Variants in FSTL4 observed in about 807,000 individuals in gnomAD.
The protein encoded by FSTL4 is follistatin-related protein 4.
Under a neutral mutation model 78.2 loss-of-function variants are expected in FSTL4, and 28 were observed. The ratio of observed to expected loss-of-function variants is 0.36; its 90% confidence interval spans 0.27 to 0.49. FSTL4 has a LOEUF of 0.49. Ranked by LOEUF, FSTL4 falls within the 20% of genes least tolerant of loss-of-function variation. The probability of loss-of-function intolerance (pLI) is 0.98; values close to 1 mark genes in which losing one functional copy is unlikely to be tolerated. For synonymous variants in FSTL4, 422 were observed against 440.5 expected (o/e 0.96, Z 0.53); for missense variants, 922 against 1,084.9 (o/e 0.85, Z 2.11).
intron 3 of FSTL4, among the ~76,000 whole-genome samples, chr5:133,541,950 A>ACACACACACACT (rs1554069684): frequency 6.6e-6 from 1 of 150,964 alleles, no homozygotes; most frequent in Non-Finnish European, 1.5e-5. Flanking sequence ...ACACACACAC[A>ACACACACACACT]CTCTTAACTT....
At chr5:133,323,216 T>C (rs1754117180) in intron 4 of FSTL4, among the ~76,000 whole-genome samples, 1 of 152,202 alleles carries the variant, frequency 6.6e-6, no homozygotes, top group Non-Finnish European at 1.5e-5. Context: ...TGACTTCAGC[T>C]GTGAGACCTT....
At chr5:133,625,534 G>T in the FSTL4 span, among the ~76,000 whole-genome samples, 3 of 150,192 alleles carry the variant, frequency 2.0e-5, no homozygotes, top group Non-Finnish European at 4.5e-5. Flanking sequence ...TTAAGGTTTG[G>T]TGTCAATTTT....
chr5:133,402,313 G>C (rs1005359226), intron 3 of FSTL4, among the ~76,000 whole-genome samples: 1 of 152,166 alleles, frequency 6.6e-6, no homozygotes, highest in Middle Eastern at 3.2e-3. Context: ...AGGCGAAACA[G>C]GCGTCCATCA....
At chr5:133,640,022 C>T in the FSTL4 span, among the ~76,000 whole-genome samples, 1 of 152,236 alleles carries the variant, frequency 6.6e-6, no homozygotes, top group Non-Finnish European at 1.5e-5. Context: ...TTCACACCCA[C>T]CACAGTTATG....
the FSTL4 span, among the ~76,000 whole-genome samples, chr5:133,834,241 A>G: frequency 4.6e-5 from 7 of 152,198 alleles, no homozygotes; most frequent in Admixed American, 3.9e-4. Context: ...GTTTTTCTAG[A>G]GCAATATGTA....
intron 4 of FSTL4, among the ~76,000 whole-genome samples, chr5:133,396,525 G>C (rs1222671531): frequency 6.6e-6 from 1 of 152,180 alleles, no homozygotes; most frequent in Non-Finnish European, 1.5e-5. Context: ...CAGCCCTGCA[G>C]CTGGATCTCA....
chr5:133,386,484 G>A (rs773036845), intron 4 of FSTL4, among the ~76,000 whole-genome samples: 19 of 152,188 alleles, frequency 1.2e-4, no homozygotes, highest in Non-Finnish European at 1.5e-5. Context: ...TTTACAGAGA[G>A]AAACCACATT....
At chr5:133,630,354 TAGAC>T in the FSTL4 span, among the ~76,000 whole-genome samples, 2 of 151,880 alleles carry the variant, frequency 1.3e-5, no homozygotes, top group East Asian at 1.9e-4. Context: ...ACACCAATAA[TAGAC>T]AGACAGCCAA....
chr5:133,734,136 G>A, the FSTL4 span, among the ~76,000 whole-genome samples: 1 of 152,192 alleles, frequency 6.6e-6, no homozygotes, highest in Admixed American at 6.5e-5. Flanking sequence ...ACATTCAAGG[G>A]GAGGGGAAGG....
At chr5:133,423,045 G>A (rs1249645150) in intron 3 of FSTL4, among the ~76,000 whole-genome samples, 2 of 152,214 alleles carry the variant, frequency 1.3e-5, no homozygotes, top group African/African-American at 2.4e-5. Context: ...GGCTCTGAAC[G>A]GCCGAGCTCT....
chr5:133,233,636 A>G (rs769034211), intron 7 of FSTL4, 99 bp from the exon 8 acceptor site: 77 of 1,457,870 alleles, frequency 5.3e-5, no homozygotes, highest in Non-Finnish European at 7.2e-5. Flanking sequence ...CAGCTGGGAG[A>G]GAGTTCCTTT....
intron 3 of FSTL4, among the ~76,000 whole-genome samples, chr5:133,417,205 T>C (rs1477596589): frequency 6.6e-6 from 1 of 152,150 alleles, no homozygotes; most frequent in Non-Finnish European, 1.5e-5. Context: ...GTAGAACTGA[T>C]ATATACAACA....
At chr5:133,310,638 G>A (rs193130824) in intron 6 of FSTL4, among the ~76,000 whole-genome samples, 1 of 152,308 alleles carries the variant, frequency 6.6e-6, no homozygotes, top group East Asian at 1.9e-4. Context: ...GCTTGATGAC[G>A]GCATCTGGGA....
At chr5:133,478,307 C>T (rs1318084327) in intron 3 of FSTL4, among the ~76,000 whole-genome samples, 1 of 152,180 alleles carries the variant, frequency 6.6e-6, no homozygotes. Flanking sequence ...GCTATACACA[C>T]AAACAGTTTA....
intron 8 of FSTL4, among the ~76,000 whole-genome samples, 184 bp downstream of exon 8, chr5:133,233,233 T>C (rs1199800535): frequency 2.0e-5 from 3 of 152,248 alleles, no homozygotes; most frequent in Non-Finnish European, 2.9e-5. Flanking sequence ...TGGAGCCAAA[T>C]ATGAAAATTG....
intron 3 of FSTL4, among the ~76,000 whole-genome samples, chr5:133,557,558 C>T (rs78152531): frequency 0.011 from 1,743 of 152,320 alleles, 11 homozygotes; most frequent in Non-Finnish European, 0.016. Flanking sequence ...TAATTAAGTG[C>T]ATGAATCACA....
chr5:133,540,736 A>G (rs1016254363), intron 3 of FSTL4, among the ~76,000 whole-genome samples: 34 of 151,084 alleles, frequency 2.3e-4, no homozygotes, highest in East Asian at 1.9e-3. Flanking sequence ...AAAAAAAAAA[A>G]AAAGAAAGAA....
chr5:133,494,351 C>CT (rs34418981), intron 3 of FSTL4, among the ~76,000 whole-genome samples: 1,889 of 141,226 alleles, frequency 0.013, 28 homozygotes, highest in African/African-American at 0.034. Context: ...CTTGTGATAT[C>CT]TTTTTTTTTT....
chr5:133,549,225 A>T (rs950694398), intron 3 of FSTL4, among the ~76,000 whole-genome samples: 2 of 152,242 alleles, frequency 1.3e-5, no homozygotes, highest in East Asian at 1.9e-4. Context: ...ATTACAAATG[A>T]CTGAGTCCTC....
Sources: gnomAD v4.1 joint callset for allele counts (sites outside exome capture counted in the v4.1 genomes callset) on GRCh38, gnomAD v4.1.1 for gene constraint, MANE v1.5 for transcripts, NCBI Gene and HGNC (gene_info 2026-07-23, HGNC 2026-07-21) for gene names.